CPED1: variants seen among roughly 807,000 people sequenced by gnomAD.
The protein encoded by CPED1 is cadherin like and PC-esterase domain containing 1.
CPED1 carries 114 observed loss-of-function variants against 128.2 expected under a neutral mutation model. That is an observed-to-expected ratio of 0.89 (90% CI 0.76 to 1.04). The LOEUF is 1.04. CPED1 is among the 50% of genes least tolerant of loss of function. CPED1 has a pLI of 0.00. For missense variants in CPED1, 1,211 were observed against 1,207.1 expected, an observed-to-expected ratio of 1.00 and a Z score of -0.05; for synonymous variants, 462 against 426.7, an observed-to-expected ratio of 1.08 and a Z score of -1.02.
chr7:121,024,079 A>G (rs1305221349), intron 3 of CPED1, among the ~76,000 whole-genome samples: 1 of 152,108 alleles, frequency 6.6e-6, no homozygotes, highest in Non-Finnish European at 1.5e-5. Context: ...GGGTTATGAC[A>G]CACAGTAATT....
At chr7:121,016,139 A>G (rs1171787875) in intron 3 of CPED1, among the ~76,000 whole-genome samples, 2 of 152,176 alleles carry the variant, frequency 1.3e-5, no homozygotes, top group Admixed American at 1.3e-4. Context: ...ATGAGACTGA[A>G]TACATGTTCT....
chr7:121,018,386 T>C (rs1271490000), intron 3 of CPED1, among the ~76,000 whole-genome samples: 6 of 152,128 alleles, frequency 3.9e-5, no homozygotes, highest in Non-Finnish European at 8.8e-5. Context: ...ACAGAGAATA[T>C]GAAACTATAG....
At chr7:121,035,050 G>A (rs1289724882) in intron 3 of CPED1, among the ~76,000 whole-genome samples, 5 of 152,136 alleles carry the variant, frequency 3.3e-5, no homozygotes, top group South Asian at 4.1e-4. Flanking sequence ...AAAAGTGTGA[G>A]CTCCATACTA....
chr7:121,147,625 A>G (rs987729981), intron 16 of CPED1, among the ~76,000 whole-genome samples: 6 of 152,112 alleles, frequency 3.9e-5, no homozygotes, highest in African/African-American at 7.2e-5. Flanking sequence ...GTTGATTTGT[A>G]TAGATGATCT....
Position 121,050,460 on chromosome 7 carries a change from GT to G in CPED1, c.540+3487del, listed in dbSNP as rs34017549. On this transcript the variant is annotated intron_variant, in intron 4 of 22. Transcript: ENST00000310396. ...TATTGGTATTTTGGGGGCAATATAG[GT>G]TTTTTTTTTTTTTTTTTTTGAGATG... 9.4e-3 allele frequency: 1,016 copies of G among 108,422 alleles called. 6 individuals carry two copies. Among genetic ancestry groups the G allele is most frequent in the African/African-American group, 0.028 (753 of 27,134 alleles). 6.7% of individuals were successfully genotyped at this position (108,422 alleles called of 1,614,324 possible).
intron 22 of CPED1, among the ~76,000 whole-genome samples, chr7:121,291,784 C>T (rs575163850): frequency 8.5e-5 from 13 of 152,250 alleles, no homozygotes; most frequent in South Asian, 8.3e-4. Context: ...TATTTGAATA[C>T]GCTTTATTTC....
chr7:121,277,794 G>C (rs1488948998), intron 22 of CPED1, among the ~76,000 whole-genome samples: 1 of 152,122 alleles, frequency 6.6e-6, no homozygotes. Flanking sequence ...GAGTAGAGTG[G>C]CTGAGAAAGA....
chr7:121,075,168 T>C (rs1794092320), intron 5 of CPED1, among the ~76,000 whole-genome samples: 1 of 152,142 alleles, frequency 6.6e-6, no homozygotes, highest in Non-Finnish European at 1.5e-5. Flanking sequence ...AGATGAAAAA[T>C]ACACAAGAAC....
chr7:121,034,537 C>T (rs772564935), intron 3 of CPED1, among the ~76,000 whole-genome samples: 1 of 152,078 alleles, frequency 6.6e-6, no homozygotes, highest in Admixed American at 6.6e-5. Context: ...TGAGCCACTG[C>T]GCCTGGCCGA....
intron 16 of CPED1, among the ~76,000 whole-genome samples, chr7:121,150,138 C>A (rs1796122054): frequency 6.6e-6 from 1 of 151,546 alleles, no homozygotes; most frequent in African/African-American, 2.4e-5. Context: ...GTTTGGGGTA[C>A]AATTGAACCC....
At chr7:121,103,432 T>C (rs1239403193) in intron 7 of CPED1, among the ~76,000 whole-genome samples, 2 of 152,196 alleles carry the variant, frequency 1.3e-5, no homozygotes, top group African/African-American at 2.4e-5. Context: ...AGGATATTTA[T>C]TTACCCTTCA....
At chr7:121,181,871 G>A (rs1048826227) in intron 16 of CPED1, among the ~76,000 whole-genome samples, 1 of 152,010 alleles carries the variant, frequency 6.6e-6, no homozygotes, top group East Asian at 1.9e-4. Flanking sequence ...CTAAATCAAG[G>A]AATATTAGAT....
intron 3 of CPED1, among the ~76,000 whole-genome samples, chr7:121,017,225 A>G (rs1261808129): frequency 2.6e-5 from 4 of 152,148 alleles, no homozygotes; most frequent in Non-Finnish European, 5.9e-5. Flanking sequence ...GCCTTCTAGG[A>G]GTAGTGTGGA....
At chr7:121,095,298 T>C (rs1212132941) in intron 5 of CPED1, among the ~76,000 whole-genome samples, 2 of 152,152 alleles carry the variant, frequency 1.3e-5, no homozygotes, top group African/African-American at 4.8e-5. Context: ...CAAGAAATAG[T>C]GCTCCAGACA....
chr7:121,089,209 T>G lies in CPED1; in HGVS notation c.617-8490T>G, dbSNP rs183731834. Reference sequence around the variant, plus strand: ...CATGTTTTTGACTTGTTTCTGGCATTTGGAGCTCTAACCCTCATTAGATTT... The same window carrying G: ...CATGTTTTTGACTTGTTTCTGGCATGTGGAGCTCTAACCCTCATTAGATTT... On this transcript the variant is annotated intron_variant, in intron 5 of 22. Coordinates refer to ENST00000310396, the MANE Select transcript of CPED1 (RefSeq NM_024913.5). Among the ~76,000 whole-genome samples, 6 of 152,338 alleles carry G rather than the reference T, an allele frequency of 3.9e-5. No individual in the cohort carries two copies. In the East Asian group the frequency reaches 9.6e-4, roughly 24 times the overall value.
At chr7:121,116,977 TAC>T (rs71170227) in intron 7 of CPED1, among the ~76,000 whole-genome samples, 41,059 of 121,142 alleles carry the variant, frequency 0.34, 7,050 homozygotes, top group East Asian at 0.61. Context: ...TATATATATA[TAC>T]ACACACACAC....
intron 5 of CPED1, among the ~76,000 whole-genome samples, chr7:121,073,480 T>G (rs577445013): frequency 6.6e-6 from 1 of 152,288 alleles, no homozygotes; most frequent in East Asian, 1.9e-4. Flanking sequence ...CTTTTTCATT[T>G]CTCTAAAAAT....
chr7:121,136,095 G>T lies in CPED1; in HGVS notation c.1699+5G>T. On this transcript the variant is annotated splice_donor_5th_base_variant and intron_variant, in intron 14 of 22. Transcript: ENST00000310396. ...AAGAAATACATTGCAGTGATGGTGA[G>T]TTGAGATTAAAGTGTTGTAGCAGCA... is the stretch of plus-strand genomic sequence containing the variant. The T allele has an allele frequency of 6.5e-7, 1 of 1,548,280 alleles. No homozygotes were observed. Among genetic ancestry groups the T allele is most frequent in the Non-Finnish European group, 8.6e-7 (1 of 1,156,850 alleles).
intron 22 of CPED1, among the ~76,000 whole-genome samples, chr7:121,279,480 TC>T (rs1371222738): frequency 1.6e-4 from 16 of 99,494 alleles, no homozygotes; most frequent in Non-Finnish European, 3.6e-4. Flanking sequence ...ACAGAATAAC[TC>T]ATAACAGACA....
Sources: allele counts gnomAD v4.1 joint callset (sites outside exome capture counted in the v4.1 genomes callset), GRCh38; gene constraint gnomAD v4.1.1; transcripts MANE v1.5; gene names NCBI Gene and HGNC (gene_info 2026-07-23, HGNC 2026-07-21).